Variants in DAPP1 observed in about 807,000 individuals in gnomAD.
DAPP1 encodes the protein dual adaptor of phosphotyrosine and 3-phosphoinositides 1.
DAPP1 carries 20 observed loss-of-function variants against 41.5 expected under a neutral mutation model. That is an observed-to-expected ratio of 0.48 (90% CI 0.34 to 0.70). The LOEUF is 0.70. DAPP1 is among the 30% of genes least tolerant of loss of function. The pLI is 0.01. For synonymous variants in DAPP1, 113 were observed against 116.2 expected (o/e 0.97, Z 0.18); for missense variants, 233 against 333.4 (o/e 0.70, Z 2.35).
At chr4:99,870,396 TTACTG>T (rs1724605365), downstream of DAPP1, among the ~76,000 whole-genome samples, 3 of 151,946 alleles carry the variant, frequency 2.0e-5, no homozygotes, top group South Asian at 4.1e-4. Context: ...AATAAGATCA[TTACTG>T]TAAGAGAAGT....
rs1198903627 is a variant in DAPP1, at chr4:99,863,763, T to C, written c.601-7T>C. On this transcript the variant is annotated splice_region_variant and splice_polypyrimidine_tract_variant and intron_variant, in intron 6 of 8. Coordinates refer to ENST00000512369, the MANE Select transcript of DAPP1 (RefSeq NM_014395.3). ...TGGTGACATACGTTGCTTTTTATTT[T>C]ATTTAGTCACCAGAACCAATTCGGA... 6.5e-7 allele frequency: 1 copy of C among 1,548,446 alleles called. No homozygotes were observed. Among genetic ancestry groups the C allele is most frequent in the Non-Finnish European group, 8.7e-7 (1 of 1,143,616 alleles).
Position 99,861,564 on chromosome 4 carries a change from CT to C in DAPP1, c.490-10del. 6.4e-7 allele frequency: 1 copy of C among 1,565,836 alleles called. No homozygotes were observed. The highest frequency in any genetic ancestry group is 1.2e-5 in the South Asian group (1 of 84,894). On this transcript the variant is annotated splice_polypyrimidine_tract_variant and intron_variant, in intron 4 of 8. Transcript: ENST00000512369. ...TGACAGTTCTGGTCTTCACTCAGTG[CT>C]TTTCTTTTTCAGCTGGGCACCAAAG... is the stretch of plus-strand genomic sequence containing the variant.
At chr4:99,839,662 T>C (rs1723429956) in intron 2 of DAPP1, among the ~76,000 whole-genome samples, 1 of 152,150 alleles carries the variant, frequency 6.6e-6, no homozygotes, top group Non-Finnish European at 1.5e-5. Flanking sequence ...ATCATTCCTA[T>C]TCTCTGCCCT....
downstream of DAPP1, among the ~76,000 whole-genome samples, chr4:99,871,922 C>T (rs1724635375): frequency 6.6e-6 from 1 of 152,200 alleles, no homozygotes; most frequent in African/African-American, 2.4e-5. Flanking sequence ...ACAAAGATGG[C>T]ACCCTTGGCC....
intron 3 of DAPP1, among the ~76,000 whole-genome samples, chr4:99,843,610 C>T (rs1288902091): frequency 2.0e-5 from 3 of 152,192 alleles, no homozygotes; most frequent in Admixed American, 6.5e-5. Context: ...CCCATAAACA[C>T]TCTTAAGATA....
chr4:99,834,078 G>C (rs1359797043), intron 1 of DAPP1, among the ~76,000 whole-genome samples: 1 of 152,144 alleles, frequency 6.6e-6, no homozygotes, highest in Admixed American at 6.5e-5. Flanking sequence ...AGCAACCCCC[G>C]GGGCCACAAT....
chr4:99,823,028 A>G (rs1197458636), intron 1 of DAPP1, among the ~76,000 whole-genome samples: 2 of 152,214 alleles, frequency 1.3e-5, no homozygotes, highest in Non-Finnish European at 1.5e-5. Context: ...ATAACTTTAA[A>G]AAGTGTAAGA....
At chr4:99,858,159 G>A (rs1179825552) in intron 4 of DAPP1, among the ~76,000 whole-genome samples, 1 of 152,154 alleles carries the variant, frequency 6.6e-6, no homozygotes. Context: ...AGCTTCACTA[G>A]TTTTCTCAGT....
chr4:99,828,611 TGAAAG>T (rs1222316336), intron 1 of DAPP1, among the ~76,000 whole-genome samples: 2 of 152,318 alleles, frequency 1.3e-5, no homozygotes, highest in East Asian at 3.9e-4. Flanking sequence ...GGCCCCAGAA[TGAAAG>T]GAAAGGAAGC....
downstream of DAPP1, among the ~76,000 whole-genome samples, chr4:99,872,044 A>G (rs1028794527): frequency 7.9e-5 from 12 of 151,930 alleles, no homozygotes; most frequent in African/African-American, 2.7e-4. Flanking sequence ...AAGAACAAAG[A>G]AAAAAAAATG....
chr4:99,864,969 G>T (rs1724372604), intron 7 of DAPP1: 1 of 152,166 alleles, frequency 6.6e-6, no homozygotes. Flanking sequence ...GCAAAAGAAA[G>T]GGATAATTAT....
At chr4:99,832,105 C>T (rs1723146487) in intron 1 of DAPP1, among the ~76,000 whole-genome samples, 1 of 152,126 alleles carries the variant, frequency 6.6e-6, no homozygotes, top group African/African-American at 2.4e-5. Context: ...TTGCAATATG[C>T]TTGTCTTATT....
chr4:99,848,291 G>A (rs1321184366), intron 3 of DAPP1, among the ~76,000 whole-genome samples: 4 of 144,890 alleles, frequency 2.8e-5, no homozygotes, highest in Non-Finnish European at 6.1e-5. Flanking sequence ...GCAGTGGCAC[G>A]ATCTCGGCTC....
At chr4:99,823,765 G>T (rs1722849667) in intron 1 of DAPP1, among the ~76,000 whole-genome samples, 1 of 152,136 alleles carries the variant, frequency 6.6e-6, no homozygotes, top group African/African-American at 2.4e-5. Flanking sequence ...GGTGGCAATG[G>T]GGCTAGAGCC....
intron 3 of DAPP1, among the ~76,000 whole-genome samples, chr4:99,849,324 G>A (rs1723776544): frequency 6.6e-6 from 1 of 152,208 alleles, no homozygotes; most frequent in Non-Finnish European, 1.5e-5. Flanking sequence ...GTGGACCTGG[G>A]AGGCTGGTTC....
At chr4:99,831,002 G>C (rs1222367778) in intron 1 of DAPP1, among the ~76,000 whole-genome samples, 1 of 152,092 alleles carries the variant, frequency 6.6e-6, no homozygotes, top group Non-Finnish European at 1.5e-5. Context: ...AGCTAAATTA[G>C]AAAAATCTGA....
intron 1 of DAPP1, among the ~76,000 whole-genome samples, chr4:99,820,547 A>G (rs1487446599): frequency 6.6e-6 from 1 of 152,256 alleles, no homozygotes; most frequent in African/African-American, 2.4e-5. Context: ...TTGTATAAGA[A>G]AGTGCCAGTG....
intron 1 of DAPP1, among the ~76,000 whole-genome samples, chr4:99,826,669 C>T (rs1454561603): frequency 6.6e-6 from 1 of 152,216 alleles, no homozygotes; most frequent in Non-Finnish European, 1.5e-5. Flanking sequence ...CAACAGGGAC[C>T]CTGTGCTCCA....
intron 5 of DAPP1, among the ~76,000 whole-genome samples, chr4:99,862,803 G>T (rs1382719995): frequency 6.6e-6 from 1 of 151,822 alleles, no homozygotes; most frequent in Non-Finnish European, 1.5e-5. Context: ...AGAATTTTTT[G>T]AGCTTAATGC....
Sources: gnomAD v4.1 joint callset for allele counts (sites outside exome capture counted in the v4.1 genomes callset) on GRCh38, gnomAD v4.1.1 for gene constraint, MANE v1.5 for transcripts, NCBI Gene and HGNC (gene_info 2026-07-23, HGNC 2026-07-21) for gene names.